Variants in ADGRG5 observed in about 807,000 individuals in gnomAD.
ADGRG5 encodes the protein adhesion G protein-coupled receptor G5, also known as G protein-coupled receptor 114.
Under a neutral mutation model 53.2 loss-of-function variants are expected in ADGRG5, and 37 were observed. The ratio of observed to expected loss-of-function variants is 0.70; its 90% CI spans 0.53 to 0.91. The LOEUF (loss-of-function observed/expected upper bound fraction) is 0.91. ADGRG5 is among the 40% of genes least tolerant of loss of function. The probability of loss-of-function intolerance (pLI) is 0.00; values close to 1 mark genes in which losing one functional copy is unlikely to be tolerated. For synonymous variants in ADGRG5, 277 were observed against 290.4 expected, an observed-to-expected ratio of 0.95 and a Z score of 0.47; for missense variants, 614 against 675.8, an observed-to-expected ratio of 0.91 and a Z score of 1.01.
In ADGRG5 at chr16:57,563,266, G is replaced by A. The variant is rs775003623; in HGVS notation, c.297+19G>A. On this transcript the variant is annotated intron_variant, in intron 4 of 11. Coordinates refer to ENST00000349457, the MANE Select transcript of ADGRG5 (RefSeq NM_001304376.3). ...GCCCCAGGTCAGAGGCTGCGGGTTG[G>A]GGGGTGTGGCCAGCTGCCCCGCCCT... The A allele has an allele frequency of 6.2e-7, 1 of 1,611,480 alleles. No homozygotes were observed. The highest frequency in any genetic ancestry group is 8.5e-7 in the Non-Finnish European group (1 of 1,179,026).
the ADGRG5 span, among the ~76,000 whole-genome samples, chr16:57,537,102 G>A: frequency 6.6e-6 from 1 of 152,216 alleles, no homozygotes; most frequent in Non-Finnish European, 1.5e-5. Flanking sequence ...GGGGGCGCGG[G>A]GAGCACTCGG....
the ADGRG5 span, chr16:57,536,365 G>C: frequency 6.6e-6 from 1 of 152,218 alleles, no homozygotes; most frequent in Admixed American, 6.5e-5. Flanking sequence ...GGGTTGCCGC[G>C]GGCGCCCCGA....
intron 10 of ADGRG5, among the ~76,000 whole-genome samples, chr16:57,572,809 G>A (rs1471593873): frequency 6.6e-6 from 1 of 152,274 alleles, no homozygotes; most frequent in African/African-American, 2.4e-5. Context: ...AGCGGTGAAA[G>A]TGAGTGGTCG....
At chr16:57,547,635 C>T (rs1018379045) in intron 1 of ADGRG5, among the ~76,000 whole-genome samples, 6 of 151,928 alleles carry the variant, frequency 3.9e-5, no homozygotes, top group African/African-American at 1.5e-4. Flanking sequence ...TTAGTAGAGA[C>T]GCGGTTTCAT....
chr16:57,563,011 C>G (rs1215375977), intron 3 of ADGRG5, 80 bp from the exon 4 acceptor site: 12 of 1,484,872 alleles, frequency 8.1e-6, no homozygotes, highest in Non-Finnish European at 1.1e-5. Flanking sequence ...AGGCCCTGCC[C>G]TCCCAGGCTG....
chr16:57,538,284 C>G (rs1465579915), upstream of ADGRG5, among the ~76,000 whole-genome samples: 1 of 152,124 alleles, frequency 6.6e-6, no homozygotes, highest in East Asian at 1.9e-4. Context: ...GTTATTACCA[C>G]CCTCTCATAA....
At position 57,567,923 on chromosome 16, in the gene ADGRG5, G is replaced by A. The variant is rs2033185015; in HGVS notation, c.889G>A (p.Ala297Thr). 2.5e-6 allele frequency: 4 copies of A among 1,613,610 alleles called. No homozygotes were observed. The highest frequency in any genetic ancestry group is 1.1e-5 in the South Asian group (1 of 91,064). The change falls in exon 9 of 12, where the codon GCC (alanine) becomes ACC (threonine). Residue 297 changes from alanine (A) to threonine (T), a missense_variant. By Grantham distance (58) the Ala-to-Thr change is moderately conservative. Transcript: ENST00000349457. ...LHASVLLLNI[A>T]FLLSPAFAMS... ...TGCCTCCGTGCTGCTCCTGAACATC[G>A]CCTTCCTGCTGAGCCCCGCATTCGC...
intron 6 of ADGRG5, 48 bp downstream of exon 6, chr16:57,565,198 G>C: frequency 8.9e-7 from 1 of 1,126,918 alleles, no homozygotes; most frequent in Non-Finnish European, 1.4e-6. Context: ...GCCCCTCTGT[G>C]ACTCTCCTGT....
At chr16:57,569,322 C>T (rs1348080344) in intron 9 of ADGRG5, among the ~76,000 whole-genome samples, 2 of 151,164 alleles carry the variant, frequency 1.3e-5, no homozygotes, top group Non-Finnish European at 2.9e-5. Context: ...CCACCTCCAT[C>T]ATCTCCATCA....
chr16:57,559,032 A>G (rs1170270558), intron 1 of ADGRG5, among the ~76,000 whole-genome samples: 3 of 136,100 alleles, frequency 2.2e-5, no homozygotes, highest in Admixed American at 2.2e-4. Context: ...TTTTTTTTTT[A>G]AGAGACAGAG....
chr16:57,531,722 A>G, the ADGRG5 span, among the ~76,000 whole-genome samples: 1 of 151,714 alleles, frequency 6.6e-6, no homozygotes, highest in Non-Finnish European at 1.5e-5. Context: ...GCCCACCCCC[A>G]TGTCCCTCTC....
chr16:57,562,675 C>G, intron 3 of ADGRG5: 1 of 574,242 alleles, frequency 1.7e-6, no homozygotes, highest in Non-Finnish European at 3.1e-6. Flanking sequence ...GATGTCATGA[C>G]ACTAAGTGCA....
the ADGRG5 span, among the ~76,000 whole-genome samples, chr16:57,535,789 G>T: frequency 2.0e-5 from 3 of 152,250 alleles, no homozygotes; most frequent in South Asian, 6.2e-4. Context: ...ATGGGGAGAG[G>T]CACTAAAAAG....
upstream of ADGRG5, among the ~76,000 whole-genome samples, chr16:57,540,734 T>G (rs2032477260): frequency 6.6e-6 from 1 of 152,104 alleles, no homozygotes; most frequent in African/African-American, 2.4e-5. Context: ...TGGGTGGCAA[T>G]GGAAGTTGGA....
At chr16:57,530,187 T>C in the ADGRG5 span, among the ~76,000 whole-genome samples, 2 of 152,120 alleles carry the variant, frequency 1.3e-5, no homozygotes, top group Non-Finnish European at 2.9e-5. Flanking sequence ...CACCCCTCCC[T>C]GACACCGTGA....
the ADGRG5 span, among the ~76,000 whole-genome samples, chr16:57,536,054 C>T: frequency 6.6e-6 from 1 of 152,070 alleles, no homozygotes; most frequent in Non-Finnish European, 1.5e-5. Flanking sequence ...CCGCGCGGTC[C>T]CGCCCACCCC....
chr16:57,539,804 G>A (rs1250504332), upstream of ADGRG5, among the ~76,000 whole-genome samples: 2 of 134,720 alleles, frequency 1.5e-5, no homozygotes, highest in Non-Finnish European at 3.2e-5. Context: ...TTACATATAT[G>A]TATGTGTGTG....
In ADGRG5 at chr16:57,575,685, T is replaced by A. The variant is rs2033498587; in HGVS notation, c.*147T>A. ...GGGCCTTTTCCACTTCCACGGCCTC[T>A]CCAGGCACTGAGGGGAAGGCATTGC... On this transcript the variant is annotated 3_prime_UTR_variant, in exon 12 of 12. Coordinates refer to ENST00000349457, the MANE Select transcript of ADGRG5 (RefSeq NM_001304376.3). The A allele has an allele frequency of 1.6e-6, 1 of 629,458 alleles. No individual in the cohort carries two copies. The highest frequency in any genetic ancestry group is 1.9e-5 in the South Asian group (1 of 53,484). 39.0% of individuals were successfully genotyped at this position (629,458 alleles called of 1,614,324 possible).
intron 1 of ADGRG5, among the ~76,000 whole-genome samples, chr16:57,551,158 G>A (rs140394937): frequency 6.6e-6 from 1 of 152,270 alleles, no homozygotes; most frequent in African/African-American, 2.4e-5. Flanking sequence ...CAATCTATCT[G>A]AGCCTTCAAC....
Sources: gnomAD v4.1 joint callset for allele counts (sites outside exome capture counted in the v4.1 genomes callset) on GRCh38, gnomAD v4.1.1 for gene constraint, MANE v1.5 for transcripts, NCBI Gene and HGNC (gene_info 2026-07-23, HGNC 2026-07-21) for gene names.